TM9SF2: variants seen among roughly 807,000 people sequenced by gnomAD.
The protein encoded by TM9SF2 is 76 kDa membrane protein.
Under a neutral mutation model 84.9 loss-of-function variants are expected in TM9SF2, and 13 were observed. The ratio of observed to expected loss-of-function variants is 0.15; its 90% CI spans 0.10 to 0.24. TM9SF2 has a LOEUF of 0.24. TM9SF2 is among the 10% of genes least tolerant of loss of function. TM9SF2 has a pLI of 1.00. For missense variants in TM9SF2, 562 were observed against 818.5 expected, an observed-to-expected ratio of 0.69 and a Z score of 3.82; for synonymous variants, 273 against 285.8, an observed-to-expected ratio of 0.96 and a Z score of 0.45.
chr13:99,528,860 CA>C (rs1304332449), intron 3 of TM9SF2, among the ~76,000 whole-genome samples: 1 of 152,128 alleles, frequency 6.6e-6, no homozygotes, highest in Non-Finnish European at 1.5e-5. Context: ...AGAAGTGAAC[CA>C]TGCCATTTTT....
At chr13:99,540,488 A>C in intron 7 of TM9SF2, 3 of 295,658 alleles carry the variant, frequency 1.0e-5, no homozygotes, top group African/African-American at 2.2e-5. Flanking sequence ...AGGTATTACT[A>C]GGAATTCTTT....
chr13:99,541,004 T>C (rs2046256832), intron 8 of TM9SF2, among the ~76,000 whole-genome samples: 1 of 152,236 alleles, frequency 6.6e-6, no homozygotes, highest in African/African-American at 2.4e-5. Flanking sequence ...CCTTATGGGA[T>C]TGTTGTGAGG....
intron 1 of TM9SF2, among the ~76,000 whole-genome samples, 175 bp downstream of exon 1, chr13:99,501,952 C>T (rs1033554808): frequency 6.6e-6 from 1 of 152,184 alleles, no homozygotes; most frequent in Non-Finnish European, 1.5e-5. Context: ...TCTGAAACAG[C>T]CCTTGCAAGG....
intron 1 of TM9SF2, chr13:99,514,346 C>G (rs1187105818): frequency 6.6e-6 from 1 of 152,226 alleles, no homozygotes; most frequent in African/African-American, 2.4e-5. Context: ...GTAACATTTT[C>G]TCCTTTTAGA....
intron 3 of TM9SF2, among the ~76,000 whole-genome samples, chr13:99,528,478 A>C (rs1041085): frequency 0.025 from 3,786 of 152,322 alleles, 163 homozygotes; most frequent in African/African-American, 0.086. Flanking sequence ...TTCACAATTG[A>C]ACACACAGGT....
intron 4 of TM9SF2, among the ~76,000 whole-genome samples, chr13:99,535,854 T>C (rs902885020): frequency 2.0e-5 from 3 of 152,226 alleles, no homozygotes; most frequent in African/African-American, 7.2e-5. Context: ...AGTTATATGG[T>C]GCTACAGAAC....
At chr13:99,519,976 A>G in intron 2 of TM9SF2, 60 bp from the exon 3 acceptor site, 1 of 1,469,322 alleles carries the variant, frequency 6.8e-7, no homozygotes, top group Non-Finnish European at 9.5e-7. Flanking sequence ...AAGATTGGCT[A>G]GGTGTTTGAT....
chr13:99,540,531 C>T (rs1175538556), intron 7 of TM9SF2, 183 bp from the exon 8 acceptor site: 21 of 229,062 alleles, frequency 9.2e-5, no homozygotes, highest in Non-Finnish European at 1.4e-4. Flanking sequence ...TAATCTTACT[C>T]TGATTTCCCC....
chr13:99,535,258 A>T (rs146598958), intron 4 of TM9SF2, among the ~76,000 whole-genome samples: 43 of 152,324 alleles, frequency 2.8e-4, no homozygotes, highest in African/African-American at 9.9e-4. Context: ...GGTATTATAT[A>T]AATGATACAT....
At chr13:99,513,426 C>T (rs962610516) in intron 1 of TM9SF2, among the ~76,000 whole-genome samples, 12 of 152,010 alleles carry the variant, frequency 7.9e-5, no homozygotes, top group African/African-American at 2.9e-4. Context: ...AAAAGTTGTC[C>T]CATGAAACTT....
At chr13:99,523,440 T>C (rs1437038886) in intron 3 of TM9SF2, among the ~76,000 whole-genome samples, 2 of 152,196 alleles carry the variant, frequency 1.3e-5, no homozygotes, top group African/African-American at 4.8e-5. Context: ...TGTGAACCAC[T>C]ACACCCAGCT....
At chr13:99,503,375 A>G (rs1256694872) in intron 1 of TM9SF2, among the ~76,000 whole-genome samples, 2 of 152,206 alleles carry the variant, frequency 1.3e-5, no homozygotes, top group African/African-American at 2.4e-5. Context: ...CAAAATGAGG[A>G]AACATCAGTG....
chr13:99,511,642 C>G (rs1404443458), intron 1 of TM9SF2, among the ~76,000 whole-genome samples: 2 of 152,110 alleles, frequency 1.3e-5, no homozygotes, highest in Non-Finnish European at 2.9e-5. Flanking sequence ...CAGATCCTCA[C>G]AATTTAGAAA....
intron 13 of TM9SF2, 41 bp from the exon 14 acceptor site, chr13:99,554,263 G>A: frequency 6.3e-7 from 1 of 1,596,992 alleles, no homozygotes; most frequent in Non-Finnish European, 8.5e-7. Flanking sequence ...ATTTGAGACA[G>A]ATACGTAATT....
chr13:99,552,058 C>A, intron 12 of TM9SF2, 109 bp from the exon 13 acceptor site: 1 of 1,068,010 alleles, frequency 9.4e-7, no homozygotes. Flanking sequence ...AGCAATTCCA[C>A]TTTCTTTGTA....
At chr13:99,541,875 C>T (rs546461451) in intron 9 of TM9SF2, 17 of 361,614 alleles carry the variant, frequency 4.7e-5, no homozygotes, top group East Asian at 2.8e-4. Context: ...CTTGGCTGGG[C>T]GCGGTGGCTC....
chr13:99,516,999 T>C (rs1420490622), intron 1 of TM9SF2, among the ~76,000 whole-genome samples: 2 of 152,226 alleles, frequency 1.3e-5, no homozygotes, highest in South Asian at 2.1e-4. Context: ...TATATTAATA[T>C]GATAAATGCT....
intron 1 of TM9SF2, among the ~76,000 whole-genome samples, chr13:99,511,898 A>G (rs971414353): frequency 2.6e-5 from 4 of 152,240 alleles, no homozygotes; most frequent in African/African-American, 4.8e-5. Flanking sequence ...TCTGCAGTCC[A>G]GCTTTTTAAC....
intron 11 of TM9SF2, among the ~76,000 whole-genome samples, chr13:99,547,436 G>T (rs1042664524): frequency 2.0e-5 from 3 of 152,108 alleles, no homozygotes; most frequent in Admixed American, 1.3e-4. Flanking sequence ...TAATAAAGGA[G>T]AAAAGTATAC....
Sources: gnomAD v4.1 joint callset for allele counts (sites outside exome capture counted in the v4.1 genomes callset) on GRCh38, gnomAD v4.1.1 for gene constraint, MANE v1.5 for transcripts, NCBI Gene and HGNC (gene_info 2026-07-23, HGNC 2026-07-21) for gene names.